NTM: variants seen among roughly 807,000 people sequenced by gnomAD.
NTM encodes the protein neurotrimin.
Under a neutral mutation model 42.1 loss-of-function variants are expected in NTM, and 13 were observed. The observed-to-expected ratio is 0.31, with a 90% CI of 0.20 to 0.49. NTM has a LOEUF of 0.49. Among genes scored for constraint, NTM ranks in the 20% least tolerant of loss-of-function variants. The probability of loss-of-function intolerance (pLI) is 0.99; values close to 1 mark genes in which losing one functional copy is unlikely to be tolerated. For missense variants in NTM, 373 were observed against 452.8 expected (o/e 0.82, Z 1.60); for synonymous variants, 187 against 179.2 (o/e 1.04, Z -0.35).
At chr11:131,874,499 T>C (rs546258104) in intron 1 of NTM, among the ~76,000 whole-genome samples, 6 of 152,214 alleles carry the variant, frequency 3.9e-5, no homozygotes, top group South Asian at 4.2e-4. Flanking sequence ...AAACCCAGAG[T>C]TTATATTTCA....
At chr11:131,892,759 C>T (rs1487726834) in intron 1 of NTM, among the ~76,000 whole-genome samples, 1 of 152,224 alleles carries the variant, frequency 6.6e-6, no homozygotes, top group East Asian at 1.9e-4. Context: ...TTTGACCTTG[C>T]CCAGGCCAGC....
chr11:131,787,965 C>G (rs774271243), intron 1 of NTM, among the ~76,000 whole-genome samples: 2 of 152,166 alleles, frequency 1.3e-5, no homozygotes, highest in Non-Finnish European at 2.9e-5. Flanking sequence ...TGTCTGGACT[C>G]AGTGTTTTGT....
intron 4 of NTM, among the ~76,000 whole-genome samples, chr11:132,269,600 G>A (rs1456391040): frequency 6.6e-6 from 1 of 152,162 alleles, no homozygotes; most frequent in Non-Finnish European, 1.5e-5. Flanking sequence ...TATACAAATT[G>A]CATCACCCAT....
intron 1 of NTM, among the ~76,000 whole-genome samples, chr11:131,641,131 T>C (rs1013443999): frequency 4.6e-5 from 7 of 152,186 alleles, no homozygotes; most frequent in African/African-American, 1.7e-4. Flanking sequence ...ATCCCTCTGG[T>C]CAGACTTGCA....
At chr11:132,331,980 T>C (rs953127322) in intron 8 of NTM, among the ~76,000 whole-genome samples, 1 of 152,008 alleles carries the variant, frequency 6.6e-6, no homozygotes, top group African/African-American at 2.4e-5. Flanking sequence ...CATCACGAAA[T>C]GTAGTGCTCG....
chr11:131,716,517 C>T (rs2077706002), intron 1 of NTM, among the ~76,000 whole-genome samples: 1 of 152,164 alleles, frequency 6.6e-6, no homozygotes, highest in Non-Finnish European at 1.5e-5. Flanking sequence ...TCTTCCGTAT[C>T]ATTTCCAACT....
intron 1 of NTM, among the ~76,000 whole-genome samples, chr11:131,661,794 C>T (rs749509976): frequency 2.0e-5 from 3 of 152,100 alleles, no homozygotes; most frequent in Non-Finnish European, 2.9e-5. Flanking sequence ...CAACAATCCA[C>T]TGATATAATT....
intron 1 of NTM, among the ~76,000 whole-genome samples, chr11:131,529,347 G>A (rs528354599): frequency 6.3e-4 from 96 of 152,360 alleles, no homozygotes; most frequent in Non-Finnish European, 1.2e-3. Flanking sequence ...GAACCCTTAG[G>A]TTGTTGTAAA....
At chr11:132,216,972 G>A (rs937470388) in intron 4 of NTM, among the ~76,000 whole-genome samples, 5 of 152,198 alleles carry the variant, frequency 3.3e-5, no homozygotes, top group African/African-American at 1.2e-4. Context: ...CCTTGAAGAA[G>A]AAACTCCTTT....
At chr11:131,447,121 A>G (rs1950119502) in intron 1 of NTM, among the ~76,000 whole-genome samples, 1 of 152,350 alleles carries the variant, frequency 6.6e-6, no homozygotes, top group Admixed American at 6.5e-5. Flanking sequence ...AGCTGTCTGT[A>G]TCTGCAGGGA....
intron 1 of NTM, among the ~76,000 whole-genome samples, chr11:131,725,085 A>G (rs889902255): frequency 2.0e-5 from 3 of 152,148 alleles, no homozygotes; most frequent in African/African-American, 7.2e-5. Context: ...CTGTGGGGAA[A>G]AAAGACGTCA....
chr11:131,725,987 A>G (rs1171680172), intron 1 of NTM, among the ~76,000 whole-genome samples: 1 of 152,158 alleles, frequency 6.6e-6, no homozygotes, highest in African/African-American at 2.4e-5. Context: ...AGTCTTGAGG[A>G]CCACACTTTA....
chr11:131,584,369 AG>A (rs2058674614), intron 1 of NTM, among the ~76,000 whole-genome samples: 1 of 152,152 alleles, frequency 6.6e-6, no homozygotes, highest in African/African-American at 2.4e-5. Context: ...CAATTTACGA[AG>A]ATTAATTAGA....
At chr11:131,777,170 G>T (rs1256137236) in intron 1 of NTM, 1 of 588,518 alleles carries the variant, frequency 1.7e-6, no homozygotes, top group Non-Finnish European at 2.1e-6. Flanking sequence ...GCCCACTACT[G>T]CCTTGGTAGA....
At chr11:131,421,052 C>T (rs979303308) in intron 1 of NTM, among the ~76,000 whole-genome samples, 15 of 152,268 alleles carry the variant, frequency 9.9e-5, no homozygotes, top group East Asian at 5.8e-4. Flanking sequence ...GAGTCCAGCA[C>T]GCAGGCCCCT....
chr11:131,821,943 A>G (rs911990628), intron 1 of NTM, among the ~76,000 whole-genome samples: 1 of 152,160 alleles, frequency 6.6e-6, no homozygotes, highest in Non-Finnish European at 1.5e-5. Flanking sequence ...TATATATGAC[A>G]CTTCTGCCTT....
intron 4 of NTM, among the ~76,000 whole-genome samples, chr11:132,304,426 A>G (rs1264301397): frequency 7.2e-6 from 1 of 139,754 alleles, no homozygotes; most frequent in Non-Finnish European, 1.6e-5. Flanking sequence ...TTTTTTTTTT[A>G]CCCAATATGC....
chr11:131,554,940 T>C (rs1480146678), intron 1 of NTM, among the ~76,000 whole-genome samples: 1 of 152,172 alleles, frequency 6.6e-6, no homozygotes, highest in East Asian at 1.9e-4. Flanking sequence ...AAGCTGTCTC[T>C]GGGTGGCCAG....
At chr11:131,429,910 A>G (rs908059506) in intron 1 of NTM, among the ~76,000 whole-genome samples, 4 of 152,178 alleles carry the variant, frequency 2.6e-5, no homozygotes, top group African/African-American at 9.7e-5. Context: ...TGACATTGTA[A>G]TTGTTGGTTT....
Sources: gnomAD v4.1 joint callset for allele counts (sites outside exome capture counted in the v4.1 genomes callset) on GRCh38, gnomAD v4.1.1 for gene constraint, MANE v1.5 for transcripts, NCBI Gene and HGNC (gene_info 2026-07-23, HGNC 2026-07-21) for gene names.